The following LPP variants were observed in gnomAD, a reference collection of about 807,000 sequenced individuals.
LPP encodes lipoma-preferred partner.
LPP carries 38 observed loss-of-function variants against 60.4 expected under a neutral mutation model. The observed-to-expected ratio is 0.63, with a 90% CI of 0.49 to 0.83. The LOEUF (loss-of-function observed/expected upper bound fraction) is 0.83, where lower values mean the gene tolerates loss of function less well. LPP is among the 40% of genes least tolerant of loss of function. The probability of loss-of-function intolerance (pLI) is 0.00; values close to 1 mark genes in which losing one functional copy is unlikely to be tolerated. For missense variants in LPP, 902 were observed against 783.6 expected (o/e 1.15, Z -1.80); for synonymous variants, 328 against 290.8 (o/e 1.13, Z -1.30).
intron 1 of LPP, among the ~76,000 whole-genome samples, chr3:188,159,196 G>A (rs1035762743): frequency 6.6e-6 from 1 of 152,182 alleles, no homozygotes; most frequent in African/African-American, 2.4e-5. Flanking sequence ...CACGGCTCCG[G>A]TAACGGTGCT....
At chr3:188,488,612 G>A (rs914459079) in intron 5 of LPP, among the ~76,000 whole-genome samples, 4 of 147,066 alleles carry the variant, frequency 2.7e-5, no homozygotes, top group Admixed American at 2.1e-4. Context: ...GCCTTGGGAC[G>A]GTCAGTTAGT....
intron 8 of LPP, among the ~76,000 whole-genome samples, chr3:188,758,139 C>T (rs992447279): frequency 1.3e-5 from 2 of 151,884 alleles, no homozygotes; most frequent in African/African-American, 4.8e-5. Flanking sequence ...GTTTCCAATA[C>T]TTTAACTCTT....
intron 1 of LPP, among the ~76,000 whole-genome samples, chr3:188,165,890 G>T (rs1010174651): frequency 1.3e-5 from 2 of 152,204 alleles, no homozygotes; most frequent in African/African-American, 4.8e-5. Context: ...ACACTGAGGT[G>T]ATCTCGTCTG....
intron 1 of LPP, among the ~76,000 whole-genome samples, chr3:188,161,182 A>G (rs993371986): frequency 6.6e-6 from 1 of 152,088 alleles, no homozygotes; most frequent in African/African-American, 2.4e-5. Context: ...TTTTATTATT[A>G]TTATATTTTG....
chr3:188,656,464 A>C (rs1853240190), intron 7 of LPP, among the ~76,000 whole-genome samples: 1 of 152,074 alleles, frequency 6.6e-6, no homozygotes, highest in South Asian at 2.1e-4. Context: ...TGTAGACTCA[A>C]AAAAAGCAAA....
chr3:188,315,555 T>C (rs765851551), intron 2 of LPP, among the ~76,000 whole-genome samples: 1 of 152,170 alleles, frequency 6.6e-6, no homozygotes, highest in Non-Finnish European at 1.5e-5. Context: ...ATGCCTTAAG[T>C]TTTGCTAAAT....
At chr3:188,244,269 G>C (rs1459004140) in intron 2 of LPP, among the ~76,000 whole-genome samples, 4 of 152,212 alleles carry the variant, frequency 2.6e-5, no homozygotes, top group Admixed American at 2.0e-4. Context: ...AATTGACATC[G>C]TTGAGGTGGG....
chr3:188,409,342 G>C (rs1016372371), intron 4 of LPP, among the ~76,000 whole-genome samples: 1 of 152,016 alleles, frequency 6.6e-6, no homozygotes, highest in Non-Finnish European at 1.5e-5. Flanking sequence ...GACAAATCTT[G>C]GGAACAGTTT....
chr3:188,399,027 G>A (rs1286192208), intron 3 of LPP, among the ~76,000 whole-genome samples: 3 of 152,196 alleles, frequency 2.0e-5, no homozygotes, highest in African/African-American at 7.2e-5. Context: ...ACTTGGCGTT[G>A]GCTACTTGTA....
chr3:188,872,053 G>A (rs985863679), intron 10 of LPP, among the ~76,000 whole-genome samples: 7 of 152,124 alleles, frequency 4.6e-5, no homozygotes, highest in African/African-American at 1.4e-4. Flanking sequence ...AAAAATGTAG[G>A]AAATGCAGAC....
At chr3:188,575,663 T>C (rs186193093) in intron 6 of LPP, among the ~76,000 whole-genome samples, 9 of 152,272 alleles carry the variant, frequency 5.9e-5, no homozygotes, top group Non-Finnish European at 1.3e-4. Context: ...ACTAGGTAGA[T>C]TTTATCTGTG....
At chr3:188,450,124 T>C (rs1452828034) in intron 4 of LPP, among the ~76,000 whole-genome samples, 1 of 152,170 alleles carries the variant, frequency 6.6e-6, no homozygotes, top group Non-Finnish European at 1.5e-5. Flanking sequence ...TTATAATACA[T>C]AGATAACGTG....
chr3:188,667,019 T>C (rs1855932710), intron 7 of LPP, among the ~76,000 whole-genome samples: 2 of 152,220 alleles, frequency 1.3e-5, no homozygotes, highest in South Asian at 4.1e-4. Flanking sequence ...TTTCTTAAGA[T>C]TTTGAGGTTG....
intron 2 of LPP, among the ~76,000 whole-genome samples, chr3:188,281,624 C>T (rs754204801): frequency 7.5e-4 from 63 of 83,560 alleles, no homozygotes; most frequent in Non-Finnish European, 1.4e-3. Flanking sequence ...AAAAAAAAAG[C>T]TCCAAAGTCA....
rs187388706 is a variant in LPP, at chr3:188,186,537, G to A, written c.-190+32285G>A. Among the ~76,000 whole-genome samples, 8 of 151,716 alleles carry A rather than the reference G, an allele frequency of 5.3e-5. No individual in the cohort carries two copies. The East Asian group carries it at 1.5e-3, about 29-fold the overall frequency. ...TCACATTTGACTTTTGTGACCTCTTGGTCCTGCTGTTGGCAGTTAATCCTT... is the reference window on the plus strand; with the variant it reads ...TCACATTTGACTTTTGTGACCTCTTAGTCCTGCTGTTGGCAGTTAATCCTT... On this transcript the variant is annotated intron_variant, in intron 1 of 11. Transcript: ENST00000617246.
At chr3:188,729,987 C>T (rs377080998) in intron 8 of LPP, among the ~76,000 whole-genome samples, 1 of 152,080 alleles carries the variant, frequency 6.6e-6, no homozygotes, top group East Asian at 1.9e-4. Flanking sequence ...CAGACCCTGT[C>T]TCCAAAAAAA....
chr3:188,744,532 C>T (rs993901998), intron 8 of LPP, among the ~76,000 whole-genome samples: 3 of 152,118 alleles, frequency 2.0e-5, no homozygotes, highest in Non-Finnish European at 4.4e-5. Context: ...ATTCATTGTG[C>T]TATCTTGGAC....
intron 1 of LPP, among the ~76,000 whole-genome samples, chr3:188,222,903 G>A (rs939955163): frequency 2.0e-5 from 3 of 151,806 alleles, no homozygotes; most frequent in Non-Finnish European, 4.4e-5. Context: ...ATTTGAAGAG[G>A]GCTTTATATT....
intron 9 of LPP, among the ~76,000 whole-genome samples, chr3:188,821,223 G>A (rs1174504021): frequency 6.6e-6 from 1 of 150,856 alleles, no homozygotes; most frequent in South Asian, 2.1e-4. Flanking sequence ...AATGCACATA[G>A]TTAAAAAGAA....
Sources: allele counts gnomAD v4.1 joint callset (sites outside exome capture counted in the v4.1 genomes callset), GRCh38; gene constraint gnomAD v4.1.1; transcripts MANE v1.5; gene names NCBI Gene and HGNC (gene_info 2026-07-23, HGNC 2026-07-21).